Variants in CD86 observed in about 807,000 individuals in gnomAD.
CD86 encodes the protein T-lymphocyte activation antigen CD86.
In CD86, 11 loss-of-function variants were observed where a neutral mutation model predicts 32.1. That is an observed-to-expected ratio of 0.34 (90% confidence interval 0.22 to 0.57). The LOEUF (loss-of-function observed/expected upper bound fraction) is 0.57, where lower values mean the gene tolerates loss of function less well. Ranked by LOEUF, CD86 falls within the 20% of genes least tolerant of loss-of-function variation. The probability of loss-of-function intolerance (pLI) is 0.86; values close to 1 mark genes in which losing one functional copy is unlikely to be tolerated. For missense variants in CD86, 359 were observed against 398.4 expected (o/e 0.90, Z 0.84); for synonymous variants, 137 against 135.3 (o/e 1.01, Z -0.09).
intron 1 of CD86, among the ~76,000 whole-genome samples, chr3:122,069,192 A>G (rs1390631115): frequency 1.3e-5 from 2 of 152,016 alleles, no homozygotes; most frequent in East Asian, 3.9e-4. Flanking sequence ...CAGGGACCAC[A>G]CTTCTTAGCT....
At chr3:122,113,474 G>C (rs1369804534) in intron 5 of CD86, among the ~76,000 whole-genome samples, 2 of 152,176 alleles carry the variant, frequency 1.3e-5, no homozygotes, top group African/African-American at 2.4e-5. Flanking sequence ...CCCACCAGCA[G>C]TGTAAACATG....
At chr3:122,117,202 T>C (rs4315642) in intron 5 of CD86, among the ~76,000 whole-genome samples, 47,036 of 151,880 alleles carry the variant, frequency 0.31, 7,692 homozygotes, top group East Asian at 0.6. Flanking sequence ...TCTTTTATCC[T>C]TCATCCACCT....
chr3:122,103,507 T>C lies in CD86; in HGVS notation c.65-5T>C, dbSNP rs570961036. 16 of 1,596,210 alleles carry C rather than the reference T, an allele frequency of 1.0e-5. 1 individual carries two copies. In the South Asian group the frequency reaches 1.6e-4, roughly 16 times the overall value. ...CCCTCCCTAATCCTTAACCTTCTTT[T>C]TTAGGTGCTGCTCCTCTGAAGATTC... On this transcript the variant is annotated splice_polypyrimidine_tract_variant and splice_region_variant and intron_variant, in intron 2 of 6. Transcript: ENST00000330540.
chr3:122,100,508 G>A (rs180903562), intron 2 of CD86, among the ~76,000 whole-genome samples: 1 of 147,828 alleles, frequency 6.8e-6, no homozygotes, highest in Non-Finnish European at 1.5e-5. Context: ...GTAAAAGAAG[G>A]AATTTTTTTT....
chr3:122,105,784 T>C (rs1405888928), intron 3 of CD86, among the ~76,000 whole-genome samples: 2 of 152,088 alleles, frequency 1.3e-5, no homozygotes, highest in African/African-American at 4.8e-5. Flanking sequence ...CAGTTCCTGG[T>C]GAGACTCCAG....
chr3:122,071,720 TTTTC>T (rs1435017159), intron 1 of CD86, among the ~76,000 whole-genome samples: 1 of 146,604 alleles, frequency 6.8e-6, no homozygotes, highest in Non-Finnish European at 1.5e-5. Context: ...TTTTGCATTC[TTTTC>T]TTTATTTTTT....
At chr3:122,078,713 A>G (rs2072588579) in intron 1 of CD86, among the ~76,000 whole-genome samples, 1 of 152,234 alleles carries the variant, frequency 6.6e-6, no homozygotes, top group Non-Finnish European at 1.5e-5. Flanking sequence ...TGCATTTGCA[A>G]ACGGGCTTAA....
At chr3:122,104,745 AT>A (rs1193942107) in intron 3 of CD86, among the ~76,000 whole-genome samples, 2 of 152,130 alleles carry the variant, frequency 1.3e-5, no homozygotes, top group Non-Finnish European at 2.9e-5. Context: ...CGCCTTCGAG[AT>A]TCACCCAAGT....
chr3:122,071,273 T>C (rs1447778387), intron 1 of CD86, among the ~76,000 whole-genome samples: 9 of 152,190 alleles, frequency 5.9e-5, no homozygotes, highest in Non-Finnish European at 1.3e-4. Context: ...CCCTGTGCTC[T>C]GCCTGTTGAC....
intron 1 of CD86, among the ~76,000 whole-genome samples, chr3:122,075,159 A>T (rs1202473893): frequency 6.6e-6 from 1 of 151,048 alleles, no homozygotes; most frequent in African/African-American, 2.4e-5. Flanking sequence ...TCAATCTCTG[A>T]CTCTTTAACA....
At chr3:122,069,196 C>A (rs567691256) in intron 1 of CD86, among the ~76,000 whole-genome samples, 108 of 152,040 alleles carry the variant, frequency 7.1e-4, no homozygotes, top group African/African-American at 2.6e-3. Flanking sequence ...GACCACACTT[C>A]TTAGCTCACC....
intron 4 of CD86, among the ~76,000 whole-genome samples, chr3:122,107,759 G>C (rs1215654100): frequency 6.6e-6 from 1 of 152,128 alleles, no homozygotes; most frequent in Non-Finnish European, 1.5e-5. Context: ...CCAGTGTCTT[G>C]TTGTTCAGAT....
At chr3:122,117,691 C>A (rs2073275497) in intron 5 of CD86, among the ~76,000 whole-genome samples, 1 of 152,230 alleles carries the variant, frequency 6.6e-6, no homozygotes, top group African/African-American at 2.4e-5. Context: ...TCCTTATAAA[C>A]CTTGCTTTCA....
intron 5 of CD86, among the ~76,000 whole-genome samples, chr3:122,109,923 C>T (rs1559913132): frequency 6.6e-6 from 1 of 152,142 alleles, no homozygotes; most frequent in Non-Finnish European, 1.5e-5. Flanking sequence ...AATACATATC[C>T]ATTATCATAT....
chr3:122,103,902 A>C (rs2073050742), intron 3 of CD86, 55 bp downstream of exon 3: 2 of 1,410,090 alleles, frequency 1.4e-6, no homozygotes, highest in South Asian at 2.6e-5. Flanking sequence ...TGAGACTGCA[A>C]ATGAGTTAGA....
chr3:122,113,740 G>A (rs1419191889), intron 5 of CD86, among the ~76,000 whole-genome samples: 1 of 152,110 alleles, frequency 6.6e-6, no homozygotes, highest in African/African-American at 2.4e-5. Flanking sequence ...GATTTATAAA[G>A]CATCTGGGAA....
intron 6 of CD86, among the ~76,000 whole-genome samples, chr3:122,118,856 G>C (rs2073298525): frequency 6.6e-6 from 1 of 152,128 alleles, no homozygotes; most frequent in Non-Finnish European, 1.5e-5. Flanking sequence ...AAAGTTCGTG[G>C]TGATCAGTCC....
chr3:122,082,541 T>C (rs1170124769), intron 1 of CD86, among the ~76,000 whole-genome samples: 1 of 152,250 alleles, frequency 6.6e-6, no homozygotes, highest in Non-Finnish European at 1.5e-5. Context: ...CGATGTGGTC[T>C]GATTAGCACA....
chr3:122,067,315 C>T (rs1382463263), intron 1 of CD86, among the ~76,000 whole-genome samples: 9 of 152,148 alleles, frequency 5.9e-5, no homozygotes, highest in Admixed American at 2.0e-4. Flanking sequence ...TGAAGGGAGC[C>T]AGCCACAAGG....
Sources: allele counts gnomAD v4.1 joint callset (sites outside exome capture counted in the v4.1 genomes callset), GRCh38; gene constraint gnomAD v4.1.1; transcripts MANE v1.5; gene names NCBI Gene and HGNC (gene_info 2026-07-23, HGNC 2026-07-21).